Variants in FRMPD4 observed in about 807,000 individuals in gnomAD.
FRMPD4 encodes the protein FERM and PDZ domain containing 4.
A neutral mutation model predicts 94.1 loss-of-function variants in FRMPD4; 22 were observed. The ratio of observed to expected loss-of-function variants is 0.23; its 90% CI spans 0.17 to 0.33. The LOEUF is 0.33. FRMPD4 is among the 10% of genes least tolerant of loss of function. The pLI, the probability that FRMPD4 is intolerant of heterozygous loss-of-function variation, is 1.00. For missense variants in FRMPD4, 1,111 were observed against 1,339.9 expected (o/e 0.83, Z 2.67); for synonymous variants, 631 against 548.6 (o/e 1.15, Z -2.10).
intron 8 of FRMPD4, 128 bp downstream of exon 8, chrX:12,690,454 A>C: frequency 1.9e-6 from 1 of 528,347 alleles, no homozygotes; most frequent in South Asian, 4.7e-5. Context: ...TCTGTAAAGG[A>C]AGTGCTGGCA....
At chrX:12,463,957 A>G (rs1410585924) in intron 1 of FRMPD4, among the ~76,000 whole-genome samples, 3 of 110,612 alleles carry the variant, frequency 2.7e-5, no homozygotes, top group African/African-American at 6.6e-5. Context: ...TTATTGGCAC[A>G]GGGCTGCATC....
intron 1 of FRMPD4, among the ~76,000 whole-genome samples, chrX:12,189,483 C>G (rs985151623): frequency 9.0e-6 from 1 of 111,678 alleles, no homozygotes; most frequent in Non-Finnish European, 1.9e-5. Flanking sequence ...AGACCATTAT[C>G]TGTCATGAAC....
At chrX:12,481,105 T>C (rs749846033) in intron 1 of FRMPD4, among the ~76,000 whole-genome samples, 6 of 111,044 alleles carry the variant, frequency 5.4e-5, no homozygotes, top group Non-Finnish European at 1.1e-4. Context: ...AGGGAGGATG[T>C]GTTTCTGGAA....
At chrX:12,363,362 T>A (rs2056026023) in intron 1 of FRMPD4, among the ~76,000 whole-genome samples, 2 of 112,847 alleles carry the variant, frequency 1.8e-5, no homozygotes, top group African/African-American at 6.4e-5. Context: ...AGCTAAATGT[T>A]TGCATTTCTC....
chrX:11,827,090 T>TA (rs1423390647), intron 1 of FRMPD4, among the ~76,000 whole-genome samples: 2 of 75,221 alleles, frequency 2.7e-5, no homozygotes, highest in Admixed American at 1.5e-4. Context: ...ATATATAAAA[T>TA]ATATATGTTC....
At chrX:12,415,731 G>A (rs1288530596) in intron 1 of FRMPD4, among the ~76,000 whole-genome samples, 1 of 112,017 alleles carries the variant, frequency 8.9e-6, no homozygotes, top group African/African-American at 3.2e-5. Context: ...AGTCTTCCTG[G>A]TTTATTGCTC....
At chrX:11,976,319 G>A (rs979453354) in intron 3 of FRMPD4, among the ~76,000 whole-genome samples, 4 of 111,953 alleles carry the variant, frequency 3.6e-5, no homozygotes, top group African/African-American at 1.3e-4. Context: ...TAAAAAAATT[G>A]GGCTTACTGG....
chrX:12,161,766 C>T (rs1263302851), intron 1 of FRMPD4, among the ~76,000 whole-genome samples: 11 of 111,625 alleles, frequency 9.9e-5, no homozygotes, highest in Admixed American at 9.5e-5. Context: ...ATCTCTCTTA[C>T]GATAAGAATA....
chrX:12,021,404 A>C (rs1343404376), intron 3 of FRMPD4, among the ~76,000 whole-genome samples: 2 of 111,904 alleles, frequency 1.8e-5, no homozygotes, highest in African/African-American at 6.5e-5. Context: ...ATGGCTGACA[A>C]ATCGAATTGA....
At chrX:12,108,811 CAA>C (rs778860018) in intron 3 of FRMPD4, among the ~76,000 whole-genome samples, 5 of 111,658 alleles carry the variant, frequency 4.5e-5, no homozygotes, top group Non-Finnish European at 9.4e-5. Flanking sequence ...CCAACAAAAT[CAA>C]AAGAGACAAA....
chrX:12,671,633 T>C (rs1397927663), intron 4 of FRMPD4, among the ~76,000 whole-genome samples: 4 of 110,725 alleles, frequency 3.6e-5, no homozygotes, highest in African/African-American at 1.3e-4. Flanking sequence ...ATACCTAATG[T>C]AAATGACAGA....
At chrX:11,969,786 CAT>C (rs1277287944) in intron 3 of FRMPD4, among the ~76,000 whole-genome samples, 1 of 111,856 alleles carries the variant, frequency 8.9e-6, no homozygotes, top group Non-Finnish European at 1.9e-5. Flanking sequence ...ATGTAAGACA[CAT>C]GTGCATTCAT....
intron 15 of FRMPD4, 51 bp from the exon 16 acceptor site, chrX:12,717,450 A>C: frequency 1.2e-6 from 1 of 829,777 alleles, no homozygotes; most frequent in Non-Finnish European, 1.8e-6. Flanking sequence ...ACATGTCTCC[A>C]AGTGCCTCTG....
At chrX:12,425,706 TC>T (rs1327653847) in intron 1 of FRMPD4, among the ~76,000 whole-genome samples, 1 of 111,792 alleles carries the variant, frequency 8.9e-6, no homozygotes, top group Admixed American at 9.4e-5. Context: ...ATGCGGCAAC[TC>T]CCCGCAAGAA....
chrX:12,619,849 G>A (rs1447501703), intron 4 of FRMPD4, among the ~76,000 whole-genome samples: 1 of 111,336 alleles, frequency 9.0e-6, no homozygotes, highest in Admixed American at 9.5e-5. Context: ...TAGGCCTAAT[G>A]AACTTAGTTC....
chrX:12,317,870 G>A (rs1254858585), intron 1 of FRMPD4, among the ~76,000 whole-genome samples: 2 of 111,956 alleles, frequency 1.8e-5, no homozygotes, highest in African/African-American at 6.5e-5. Flanking sequence ...GGAATGTACG[G>A]TCACTGTGGA....
intron 2 of FRMPD4, among the ~76,000 whole-genome samples, chrX:12,543,155 A>T (rs762205619): frequency 0.02 from 2,189 of 110,392 alleles, 26 homozygotes; most frequent in Non-Finnish European, 0.03. Flanking sequence ...AACCTAGGCA[A>T]TACCATTCAG....
intron 1 of FRMPD4, among the ~76,000 whole-genome samples, chrX:12,336,565 G>A (rs771816892): frequency 1.3e-4 from 14 of 111,418 alleles, no homozygotes; most frequent in Non-Finnish European, 1.3e-4. Context: ...CTGGTACACT[G>A]CTGATTCATG....
intron 3 of FRMPD4, among the ~76,000 whole-genome samples, chrX:12,055,208 C>T (rs1456802010): frequency 5.4e-5 from 6 of 111,829 alleles, no homozygotes; most frequent in African/African-American, 2.0e-4. Flanking sequence ...TGCTTTGGGT[C>T]GGTTTCTGAA....
Sources: gnomAD v4.1 joint callset for allele counts (sites outside exome capture counted in the v4.1 genomes callset) on GRCh38, gnomAD v4.1.1 for gene constraint, MANE v1.5 for transcripts, NCBI Gene and HGNC (gene_info 2026-07-23, HGNC 2026-07-21) for gene names.